Variants in SIPA1L1 observed in about 807,000 individuals in gnomAD.
The protein encoded by SIPA1L1 is signal induced proliferation associated 1 like 1.
A neutral mutation model predicts 162.7 loss-of-function variants in SIPA1L1; 26 were observed. The ratio of observed to expected loss-of-function variants is 0.16; its 90% CI spans 0.12 to 0.22. SIPA1L1 has a LOEUF of 0.22. Ranked by LOEUF, SIPA1L1 falls within the 10% of genes least tolerant of loss-of-function variation. The probability of loss-of-function intolerance (pLI) is 1.00; values close to 1 mark genes in which losing one functional copy is unlikely to be tolerated. For synonymous variants in SIPA1L1, 829 were observed against 837.4 expected (o/e 0.99, Z 0.17); for missense variants, 1,874 against 2,241.0 (o/e 0.84, Z 3.31).
intron 7 of SIPA1L1, among the ~76,000 whole-genome samples, chr14:71,628,523 G>A (rs959428427): frequency 1.2e-4 from 18 of 152,300 alleles, no homozygotes; most frequent in African/African-American, 4.3e-4. Flanking sequence ...TCACAAGTAA[G>A]CAGGACTGTT....
intron 2 of SIPA1L1, among the ~76,000 whole-genome samples, chr14:71,413,354 G>C (rs1001602155): frequency 3.3e-5 from 5 of 152,182 alleles, no homozygotes; most frequent in Non-Finnish European, 5.9e-5. Flanking sequence ...AGATCTTTGA[G>C]TAGCAGTCTG....
chr14:71,547,403 G>A (rs969906929), intron 4 of SIPA1L1, among the ~76,000 whole-genome samples: 2 of 145,044 alleles, frequency 1.4e-5, no homozygotes, highest in East Asian at 2.1e-4. Flanking sequence ...AAGTGATTCC[G>A]CTGCCTCAGC....
intron 3 of SIPA1L1, among the ~76,000 whole-genome samples, chr14:71,524,826 A>G (rs989336244): frequency 1.2e-4 from 18 of 152,046 alleles, no homozygotes; most frequent in South Asian, 6.2e-4. Context: ...GATATGACCG[A>G]CTCATTCATG....
intron 10 of SIPA1L1, among the ~76,000 whole-genome samples, chr14:71,663,726 C>G (rs896560010): frequency 6.6e-6 from 1 of 152,044 alleles, no homozygotes; most frequent in African/African-American, 2.4e-5. Flanking sequence ...CCTGGAGAGC[C>G]CACCGTTTGA....
At chr14:71,424,820 G>A (rs2043445029) in intron 2 of SIPA1L1, among the ~76,000 whole-genome samples, 1 of 152,040 alleles carries the variant, frequency 6.6e-6, no homozygotes, top group Non-Finnish European at 1.5e-5. Flanking sequence ...CAATTATATG[G>A]AAATTTGAGA....
chr14:71,388,726 T>G (rs1442839925), intron 2 of SIPA1L1, among the ~76,000 whole-genome samples: 2 of 152,224 alleles, frequency 1.3e-5, no homozygotes, highest in East Asian at 3.8e-4. Context: ...TGAAAGTGGT[T>G]GTCAGCCCTG....
chr14:71,326,015 G>A (rs1010079392), intron 2 of SIPA1L1, among the ~76,000 whole-genome samples: 1 of 152,162 alleles, frequency 6.6e-6, no homozygotes, highest in Non-Finnish European at 1.5e-5. Flanking sequence ...GAGCAGAACT[G>A]ACAGCCAGTG....
chr14:71,351,937 C>T (rs2036754781), intron 2 of SIPA1L1, among the ~76,000 whole-genome samples: 1 of 150,268 alleles, frequency 6.7e-6, no homozygotes, highest in Non-Finnish European at 1.5e-5. Context: ...GTGGATGGAG[C>T]CAGACAGTAA....
intron 2 of SIPA1L1, among the ~76,000 whole-genome samples, chr14:71,479,535 A>G (rs2048174616): frequency 6.6e-6 from 1 of 152,112 alleles, no homozygotes; most frequent in Admixed American, 6.5e-5. Flanking sequence ...AGCTGGGACT[A>G]CAGGCATGTG....
intron 2 of SIPA1L1, among the ~76,000 whole-genome samples, chr14:71,407,334 T>A (rs1229931096): frequency 6.6e-6 from 1 of 152,262 alleles, no homozygotes; most frequent in Non-Finnish European, 1.5e-5. Flanking sequence ...TTTGCTTTGA[T>A]ATACTGTAGA....
At chr14:71,372,462 CA>C (rs1027665395) in intron 2 of SIPA1L1, among the ~76,000 whole-genome samples, 22 of 152,080 alleles carry the variant, frequency 1.4e-4, no homozygotes, top group African/African-American at 5.1e-4. Context: ...CTTCTTTTTC[CA>C]AAATTTACAA....
intron 4 of SIPA1L1, among the ~76,000 whole-genome samples, chr14:71,549,643 T>C (rs998404502): frequency 6.6e-5 from 10 of 152,200 alleles, no homozygotes; most frequent in African/African-American, 2.4e-4. Context: ...GGCCATCTGT[T>C]GGGTCACTCT....
intron 2 of SIPA1L1, among the ~76,000 whole-genome samples, chr14:71,333,630 A>G (rs1047032727): frequency 6.6e-5 from 10 of 152,276 alleles, no homozygotes; most frequent in Non-Finnish European, 1.2e-4. Context: ...GCTGTCTTTC[A>G]TTTACTAATC....
At chr14:71,703,335 C>T (rs112779926) in intron 15 of SIPA1L1, among the ~76,000 whole-genome samples, 12 of 152,218 alleles carry the variant, frequency 7.9e-5, no homozygotes, top group African/African-American at 2.9e-4. Context: ...CAAGACCCAT[C>T]TGTTAATCTT....
chr14:71,538,768 A>G (rs1466319779), intron 4 of SIPA1L1, among the ~76,000 whole-genome samples: 1 of 152,182 alleles, frequency 6.6e-6, no homozygotes, highest in African/African-American at 2.4e-5. Context: ...TGTTTGCTGG[A>G]TACAAGACGG....
intron 2 of SIPA1L1, among the ~76,000 whole-genome samples, chr14:71,505,421 C>CTTT (rs530843410): frequency 3.9e-5 from 5 of 128,586 alleles, no homozygotes; most frequent in African/African-American, 1.4e-4. Flanking sequence ...TCTCTTTCTT[C>CTTT]TTTTTTTTTT....
intron 10 of SIPA1L1, among the ~76,000 whole-genome samples, chr14:71,667,995 G>A: frequency 6.6e-6 from 1 of 151,988 alleles, no homozygotes; most frequent in East Asian, 1.9e-4. Context: ...AACCCAGGAG[G>A]CAGAGGTTGC....
chr14:71,623,620 C>T (rs928709242), intron 6 of SIPA1L1, among the ~76,000 whole-genome samples: 1 of 152,114 alleles, frequency 6.6e-6, no homozygotes, highest in Non-Finnish European at 1.5e-5. Context: ...TTTATCTCCC[C>T]CTTTTTATAA....
chr14:71,530,685 T>A lies in SIPA1L1; in HGVS notation c.-303+1315T>A, dbSNP rs996936690. On this transcript the variant is annotated intron_variant, in intron 4 of 23. Coordinates refer to ENST00000381232, the MANE Select transcript of SIPA1L1 (RefSeq NM_001386936.1). ...AATGTTTACCAATTCCATTGAACAT[T>A]AAAAAACCCAGGATATTTCTCTCTA... Among the ~76,000 whole-genome samples, 7 of 152,210 alleles carry A rather than the reference T, an allele frequency of 4.6e-5. No homozygotes were observed. The East Asian group carries it at 1.3e-3, about 29-fold the overall frequency.
Sources: gnomAD v4.1 joint callset for allele counts (sites outside exome capture counted in the v4.1 genomes callset) on GRCh38, gnomAD v4.1.1 for gene constraint, MANE v1.5 for transcripts, NCBI Gene and HGNC (gene_info 2026-07-23, HGNC 2026-07-21) for gene names.